Variants in VAV3 observed in about 807,000 individuals in gnomAD.
VAV3 encodes the protein guanine nucleotide exchange factor VAV3.
A neutral mutation model predicts 131.2 loss-of-function variants in VAV3; 94 were observed. That is an observed-to-expected ratio of 0.72 (90% CI 0.61 to 0.85). VAV3 has a LOEUF of 0.85. Ranked by LOEUF, VAV3 falls within the 40% of genes least tolerant of loss-of-function variation. The pLI is 0.00. For synonymous variants in VAV3, 349 were observed against 342.0 expected, an observed-to-expected ratio of 1.02 and a Z score of -0.22; for missense variants, 939 against 1,002.7, an observed-to-expected ratio of 0.94 and a Z score of 0.86.
chr1:107,655,170 A>C (rs908414417), intron 19 of VAV3, among the ~76,000 whole-genome samples: 12 of 152,146 alleles, frequency 7.9e-5, no homozygotes, highest in African/African-American at 2.9e-4. Flanking sequence ...AGCCAAAGCA[A>C]TCCTGGACAA....
At chr1:107,620,968 T>A (rs1356829853) in intron 20 of VAV3, among the ~76,000 whole-genome samples, 1 of 152,122 alleles carries the variant, frequency 6.6e-6, no homozygotes, top group Admixed American at 6.5e-5. Context: ...CATATAATTT[T>A]CCATTCAAAT....
At chr1:107,668,877 A>C (rs1206648231) in intron 19 of VAV3, 2 of 985,474 alleles carry the variant, frequency 2.0e-6, no homozygotes, top group East Asian at 1.1e-4. Flanking sequence ...TCTAGCTGGC[A>C]GTATCTTATT....
At chr1:107,775,127 G>A (rs1201577590) in intron 4 of VAV3, among the ~76,000 whole-genome samples, 1 of 152,170 alleles carries the variant, frequency 6.6e-6, no homozygotes, top group Non-Finnish European at 1.5e-5. Flanking sequence ...TGGCATCTCA[G>A]AGCAGCCAAT....
At position 107,770,678 on chromosome 1, in the gene VAV3, C is replaced by T. The variant is rs368820332; in HGVS notation, c.606G>A (p.Gln202=). The T allele has an allele frequency of 3.6e-5, 58 of 1,612,114 alleles. No individual in the cohort carries two copies. The African/African-American group carries it at 5.1e-4, about 14-fold the overall frequency. The change falls in exon 6 of 27, where the codon CAG becomes CAA. Residue 202 remains glutamine (Q), a synonymous_variant. Transcript: ENST00000370056. ...AAGTTTCTGTATATTTTTCTTCTGT[C>T]TGCTTAATTTCTGCTAGACAACAAC... The part of the protein sequence containing the change: ...IRSCCLAEIK[Q]TEEKYTETLE...
chr1:107,667,685 T>C (rs552948237), intron 19 of VAV3, among the ~76,000 whole-genome samples: 1 of 152,224 alleles, frequency 6.6e-6, no homozygotes, highest in African/African-American at 2.4e-5. Flanking sequence ...CTTAAAACCC[T>C]GTTTTCTACA....
intron 15 of VAV3, among the ~76,000 whole-genome samples, chr1:107,741,906 G>A (rs544215490): frequency 2.0e-5 from 3 of 152,270 alleles, no homozygotes; most frequent in Non-Finnish European, 4.4e-5. Flanking sequence ...TGCCCATCCT[G>A]CTTGGTTCCA....
chr1:107,915,850 T>C (rs1308575928), intron 1 of VAV3, among the ~76,000 whole-genome samples: 2 of 152,088 alleles, frequency 1.3e-5, no homozygotes, highest in East Asian at 1.9e-4. Flanking sequence ...GCAATTGAGT[T>C]GTGAAGAAAA....
At chr1:107,676,256 G>A (rs1300230985) in intron 19 of VAV3, among the ~76,000 whole-genome samples, 1 of 152,208 alleles carries the variant, frequency 6.6e-6, no homozygotes, top group Non-Finnish European at 1.5e-5. Context: ...CCAATCAACA[G>A]AGCACTCTGG....
intron 2 of VAV3, among the ~76,000 whole-genome samples, chr1:107,834,493 C>A (rs75303797): frequency 0.032 from 4,842 of 151,938 alleles, 123 homozygotes; most frequent in African/African-American, 0.068. Context: ...TCAATTAGAT[C>A]AAGTTATTTG....
intron 1 of VAV3, among the ~76,000 whole-genome samples, chr1:107,937,632 G>A (rs982803041): frequency 3.3e-5 from 5 of 152,142 alleles, no homozygotes; most frequent in African/African-American, 1.2e-4. Flanking sequence ...CAATGCTAAA[G>A]AAAGTATGCA....
intron 24 of VAV3, among the ~76,000 whole-genome samples, chr1:107,599,131 C>T (rs1651633693): frequency 6.6e-6 from 1 of 152,204 alleles, no homozygotes; most frequent in East Asian, 1.9e-4. Context: ...TTTTCCAAGG[C>T]CTAGGGTCAT....
intron 21 of VAV3, among the ~76,000 whole-genome samples, chr1:107,611,643 A>G (rs546541145): frequency 9.0e-4 from 136 of 151,214 alleles, no homozygotes; most frequent in African/African-American, 3.2e-3. Context: ...GACAGGAAGG[A>G]GGAGAGTAAA....
intron 2 of VAV3, among the ~76,000 whole-genome samples, chr1:107,807,227 G>A (rs931381559): frequency 6.6e-6 from 1 of 152,078 alleles, no homozygotes; most frequent in Admixed American, 6.6e-5. Context: ...CCCTTTCCTC[G>A]TGTTCCTTTG....
chr1:107,648,387 A>G (rs1185111000), intron 19 of VAV3, among the ~76,000 whole-genome samples: 1 of 152,070 alleles, frequency 6.6e-6, no homozygotes, highest in Non-Finnish European at 1.5e-5. Flanking sequence ...TAGGCTACCA[A>G]ATATAAAATA....
chr1:107,587,512 T>G (rs897528557), intron 25 of VAV3, among the ~76,000 whole-genome samples: 1 of 152,212 alleles, frequency 6.6e-6, no homozygotes, highest in African/African-American at 2.4e-5. Context: ...GGCTGTTATA[T>G]GAAAGCACTA....
chr1:107,867,925 A>G (rs1670075966), intron 2 of VAV3, among the ~76,000 whole-genome samples: 1 of 152,182 alleles, frequency 6.6e-6, no homozygotes, highest in African/African-American at 2.4e-5. Flanking sequence ...AATTCATCAC[A>G]AAGTTAGGGA....
intron 20 of VAV3, among the ~76,000 whole-genome samples, chr1:107,618,714 AC>A (rs1328607854): frequency 6.6e-6 from 1 of 152,214 alleles, no homozygotes; most frequent in African/African-American, 2.4e-5. Flanking sequence ...GCCCATGGTC[AC>A]AGAGCTAACA....
intron 1 of VAV3, among the ~76,000 whole-genome samples, chr1:107,922,775 A>AC (rs1273189860): frequency 4.0e-5 from 6 of 151,018 alleles, no homozygotes; most frequent in Non-Finnish European, 8.9e-5. Flanking sequence ...ACACAGTGAA[A>AC]CCCCGCCTCT....
chr1:107,786,006 G>A (rs995671449), intron 2 of VAV3, among the ~76,000 whole-genome samples: 1 of 152,124 alleles, frequency 6.6e-6, no homozygotes, highest in Non-Finnish European at 1.5e-5. Flanking sequence ...CACATCTTAG[G>A]GATTTCCTGA....
Sources: gnomAD v4.1 joint callset for allele counts (sites outside exome capture counted in the v4.1 genomes callset) on GRCh38, gnomAD v4.1.1 for gene constraint, MANE v1.5 for transcripts, NCBI Gene and HGNC (gene_info 2026-07-23, HGNC 2026-07-21) for gene names.